KCNT1: variants seen among roughly 807,000 people sequenced by gnomAD.
KCNT1 encodes the protein potassium channel subfamily T member 1.
A neutral mutation model predicts 147.8 loss-of-function variants in KCNT1; 78 were observed. The observed-to-expected ratio is 0.53, with a 90% confidence interval of 0.44 to 0.64. The LOEUF (loss-of-function observed/expected upper bound fraction) is 0.64. Ranked by LOEUF, KCNT1 falls within the 30% of genes least tolerant of loss-of-function variation. The probability of loss-of-function intolerance (pLI) is 0.00; values close to 1 mark genes in which losing one functional copy is unlikely to be tolerated. For missense variants in KCNT1, 1,419 were observed against 1,750.3 expected (o/e 0.81, Z 3.38); for synonymous variants, 867 against 748.8 (o/e 1.16, Z -2.58).
intron 2 of KCNT1, among the ~76,000 whole-genome samples, chr9:135,731,975 TATATATATATATATATAG>T (rs1564327857): frequency 3.8e-5 from 1 of 26,448 alleles, no homozygotes. Context: ...TATATATATA[TATATATATATATATATAG>T]AGAGAGAGAG....
intron 11 of KCNT1, 150 bp from the exon 12 acceptor site, chr9:135,764,881 G>T: frequency 1.4e-6 from 1 of 710,072 alleles, no homozygotes. Flanking sequence ...GTTTCCATGT[G>T]GGAAAGGCCC....
At chr9:135,748,881 G>T (rs551557603) in intron 2 of KCNT1, among the ~76,000 whole-genome samples, 1 of 152,222 alleles carries the variant, frequency 6.6e-6, no homozygotes, top group African/African-American at 2.4e-5. Context: ...GCCAGGCACC[G>T]GAGGCAGCGC....
In KCNT1 at chr9:135,777,429, T is replaced by G. The variant is rs1276377762; in HGVS notation, c.2441T>G (p.Leu814Arg). 1 of 1,613,952 alleles carries G rather than the reference T, an allele frequency of 6.2e-7. No individual in the cohort carries two copies. The highest frequency in any genetic ancestry group is 2.2e-5 in the East Asian group (1 of 44,886). ...TCGGCAGAGACGGCCGGCAATGGGCTGTACAACTTCATCGTGCCACTGCGG... is the reference window on the plus strand; with the variant it reads ...TCGGCAGAGACGGCCGGCAATGGGCGGTACAACTTCATCGTGCCACTGCGG... ...IVSAETAGNG[L>R]YNFIVPLRAY... Residue 814 changes from leucine to arginine, a missense_variant, in exon 21 of 31, where the codon CTG becomes CGG. Around this residue, in one of 5 missense-constraint regions of KCNT1, gnomAD observed 247 missense variants for 397.1 expected, o/e 0.62. Coordinates refer to ENST00000371757, the MANE Select transcript of KCNT1 (RefSeq NM_020822.3).
intron 24 of KCNT1, among the ~76,000 whole-genome samples, chr9:135,780,691 C>G (rs959211469): frequency 1.3e-5 from 2 of 152,134 alleles, no homozygotes; most frequent in Non-Finnish European, 2.9e-5. Flanking sequence ...CACCCTGGAG[C>G]CTGCCCTGCC....
At chr9:135,791,760 T>TGG in intron 29 of KCNT1, 37 bp from the exon 30 acceptor site, 1 of 1,584,914 alleles carries the variant, frequency 6.3e-7, no homozygotes, top group Middle Eastern at 1.7e-4. Context: ...GGGGCAGGGC[T>TGG]GGGGGGGTGA....
rs1176902784 is a variant in KCNT1, at chr9:135,793,121, T to C, written c.*960T>C. 1.3e-5 allele frequency: 2 copies of C among 152,132 alleles called. No homozygotes were observed. Among genetic ancestry groups the C allele is most frequent in the Non-Finnish European group, 2.9e-5 (2 of 68,026 alleles). 9.4% of individuals were successfully genotyped at this position (152,132 alleles called of 1,614,324 possible). A position where few individuals can be genotyped will look rare whatever the true frequency, so the allele number is the denominator to read the frequency against. On this transcript the variant is annotated 3_prime_UTR_variant, in exon 31 of 31. Transcript: ENST00000371757. ...GTCAGCGCTGGAAACTTCTATTAAA[T>C]GGATGCATTCTGGAGGCATGAAGTT...
intron 20 of KCNT1, among the ~76,000 whole-genome samples, chr9:135,776,808 C>T (rs1344552783): frequency 6.6e-6 from 1 of 152,242 alleles, no homozygotes; most frequent in Non-Finnish European, 1.5e-5. Flanking sequence ...CAAGCGGCTT[C>T]TGGGTGCTTC....
intron 2 of KCNT1, among the ~76,000 whole-genome samples, chr9:135,737,182 C>T (rs190527713): frequency 2.4e-3 from 370 of 152,336 alleles, no homozygotes; most frequent in African/African-American, 8.0e-3. Flanking sequence ...TGAGTGAGGC[C>T]GAAGCCTGCA....
intron 2 of KCNT1, among the ~76,000 whole-genome samples, chr9:135,740,101 G>C (rs1830501317): frequency 6.6e-6 from 1 of 152,094 alleles, no homozygotes; most frequent in Non-Finnish European, 1.5e-5. Context: ...TTCTTATAAG[G>C]ACACCAGTTT....
intron 1 of KCNT1, among the ~76,000 whole-genome samples, chr9:135,711,243 A>C (rs1185367168): frequency 6.6e-6 from 1 of 152,220 alleles, no homozygotes; most frequent in African/African-American, 2.4e-5. Context: ...TGGCGGGAGA[A>C]GCTTGTCTTT....
chr9:135,756,797 C>G (rs1484888453), intron 6 of KCNT1, 76 bp from the exon 7 acceptor site: 2 of 1,203,268 alleles, frequency 1.7e-6, no homozygotes, highest in Non-Finnish European at 2.5e-6. Flanking sequence ...TGGTACCTGC[C>G]CGCGAGGCCT....
chr9:135,764,435 G>C (rs1832119269), intron 11 of KCNT1, among the ~76,000 whole-genome samples: 2 of 152,200 alleles, frequency 1.3e-5, no homozygotes, highest in African/African-American at 2.4e-5. Context: ...ACTCCAGCCT[G>C]GGTGACAGAG....
Position 135,730,066 on chromosome 9 carries a change from C to T in KCNT1, c.254+15346C>T, listed in dbSNP as rs902729180. 6.6e-6 allele frequency among the ~76,000 whole-genome samples: 1 copy of T among 152,222 alleles called. No homozygotes were observed. Among genetic ancestry groups the T allele is most frequent in the Admixed American group, 6.5e-5 (1 of 15,292 alleles). On this transcript the variant is annotated intron_variant, in intron 2 of 30. Transcript: ENST00000371757. The surrounding 1 kb of genome is among the most constrained non-coding windows in gnomAD (Gnocchi z 4.7). ...CCTCCATCAGCGTTACCCACATTCTCCTCTGCACTGTGCTGATCCTTCATC... is the reference window on the plus strand; with the variant it reads ...CCTCCATCAGCGTTACCCACATTCTTCTCTGCACTGTGCTGATCCTTCATC...
chr9:135,757,088 G>GCC, intron 7 of KCNT1, 68 bp from the exon 8 acceptor site: 1 of 695,734 alleles, frequency 1.4e-6, no homozygotes, highest in Non-Finnish European at 2.3e-6. Flanking sequence ...TCCCCACCCT[G>GCC]CCCCTCCCCT....
intron 2 of KCNT1, among the ~76,000 whole-genome samples, chr9:135,731,960 G>GTGTATATATATATATA (rs1471079492): frequency 1.4e-4 from 6 of 41,416 alleles, no homozygotes; most frequent in Admixed American, 3.5e-4. Flanking sequence ...AAATATGCGT[G>GTGTATATATATATATA]TATATATATA....
chr9:135,714,735 CG>C lies in KCNT1; in HGVS notation c.254+19del. On this transcript the variant is annotated intron_variant, in intron 2 of 30. Transcript: ENST00000371757. The surrounding 1 kb of genome is among the most constrained non-coding windows in gnomAD (Gnocchi z 6.2). Reference sequence around the variant, plus strand: ...AACGACGACAGGTAGGGACCGGGCGCGGGGTGGGGGCTGGGGTCGCCGTCCC... The same window carrying C: ...AACGACGACAGGTAGGGACCGGGCGCGGGTGGGGGCTGGGGTCGCCGTCCC... 2 of 1,348,506 alleles carry C rather than the reference CG, an allele frequency of 1.5e-6. No individual in the cohort carries two copies. Among genetic ancestry groups the C allele is most frequent in the Non-Finnish European group, 1.9e-6 (2 of 1,034,772 alleles). The allele number at this position is 1,348,506 out of a possible 1,614,324, so 83.5% of individuals were successfully genotyped here.
At position 135,772,091 on chromosome 9, in the gene KCNT1, G is replaced by A. The variant is rs568005408; in HGVS notation, c.2009-624G>A. Among the ~76,000 whole-genome samples the A allele has an allele frequency of 3.8e-3, 575 of 152,296 alleles. 1 individual carries two copies. The highest frequency in any genetic ancestry group is 5.0e-3 in the Non-Finnish European group (337 of 67,996). On this transcript the variant is annotated intron_variant, in intron 18 of 30. Coordinates refer to ENST00000371757, the MANE Select transcript of KCNT1 (RefSeq NM_020822.3). The stretch of plus-strand genomic sequence containing the variant: ...GGCCGCCGTCTACGGCAGCTCACTC[G>A]GGGGGCCGGGCCTGGCCGCAGGGCA...
chr9:135,777,408 C>T lies in KCNT1; in HGVS notation c.2420C>T (p.Ala807Val), dbSNP rs1474998881. Residue 807 changes from alanine to valine, a missense_variant, in exon 21 of 31, where the codon GCA becomes GTA. By Grantham distance (64) the Ala-to-Val change is moderately conservative. This residue lies in a region of KCNT1 where 247 missense variants were observed against 397.1 expected (regional missense o/e 0.62). Coordinates refer to ENST00000371757, the MANE Select transcript of KCNT1 (RefSeq NM_020822.3). ...AAGAACAAGCTGATCATCGTCTCGG[C>T]AGAGACGGCCGGCAATGGGCTGTAC... is the stretch of plus-strand genomic sequence containing the variant. ...GFKNKLIIVS[A>V]ETAGNGLYNF... is the part of the protein sequence containing the mutation. The T allele has an allele frequency of 1.2e-6, 2 of 1,614,096 alleles. No individual in the cohort carries two copies. The highest frequency in any genetic ancestry group is 1.3e-5 in the African/African-American group (1 of 75,032).
chr9:135,784,527 C>T lies in KCNT1; in HGVS notation c.2944-8C>T. ...CCTCCCTCCCTCCCTCCCTCCCTCC[C>T]TGGCCAGTCCTTCGTGAAGGACTAC... On this transcript the variant is annotated splice_polypyrimidine_tract_variant and splice_region_variant and intron_variant, in intron 25 of 30. Transcript: ENST00000371757. 1 of 1,074,204 alleles carries T rather than the reference C, an allele frequency of 9.3e-7. No homozygotes were observed. Among genetic ancestry groups the T allele is most frequent in the Non-Finnish European group, 1.3e-6 (1 of 753,924 alleles). 66.5% of individuals were successfully genotyped at this position (1,074,204 alleles called of 1,614,324 possible).
Sources: allele counts gnomAD v4.1 joint callset (sites outside exome capture counted in the v4.1 genomes callset), GRCh38; gene constraint gnomAD v4.1.1; regional missense constraint gnomAD v4.1.1; non-coding constraint Gnocchi (gnomAD v3.1); transcripts MANE v1.5; gene names NCBI Gene and HGNC (gene_info 2026-07-23, HGNC 2026-07-21).